The following PTBP3 variants were observed in gnomAD, a reference collection of about 807,000 sequenced individuals.
PTBP3 encodes polypyrimidine tract-binding protein 3.
PTBP3 carries 20 observed loss-of-function variants against 58.7 expected under a neutral mutation model. The ratio of observed to expected loss-of-function variants is 0.34; its 90% CI spans 0.24 to 0.50. The LOEUF (loss-of-function observed/expected upper bound fraction) is 0.50, where lower values mean the gene tolerates loss of function less well. PTBP3 is among the 20% of genes least tolerant of loss of function. The pLI is 0.98. For missense variants in PTBP3, 509 were observed against 637.2 expected, an observed-to-expected ratio of 0.80 and a Z score of 2.17; for synonymous variants, 185 against 219.8, an observed-to-expected ratio of 0.84 and a Z score of 1.40.
At chr9:112,258,495 T>C (rs1836464528) in intron 5 of PTBP3, among the ~76,000 whole-genome samples, 1 of 152,130 alleles carries the variant, frequency 6.6e-6, no homozygotes, top group South Asian at 2.1e-4. Context: ...TAAGTTAACA[T>C]GTTCAAATCA....
chr9:112,273,039 G>C (rs1031901257), intron 3 of PTBP3, among the ~76,000 whole-genome samples: 1 of 152,200 alleles, frequency 6.6e-6, no homozygotes, highest in African/African-American at 2.4e-5. Context: ...TAACTGGACA[G>C]ATGTTAAACA....
At chr9:112,362,733 T>G in the PTBP3 span, 570 of 207,570 alleles carry the variant, frequency 2.7e-3, 4 homozygotes, top group African/African-American at 0.013. Context: ...ATCAGACCCC[T>G]CATGAAGCCC....
the PTBP3 span, among the ~76,000 whole-genome samples, chr9:112,366,692 G>A: frequency 9.9e-4 from 150 of 152,268 alleles, 2 homozygotes; most frequent in East Asian, 0.027. Flanking sequence ...ATGGAGAACC[G>A]CTGCTAGGGT....
Position 112,223,341 on chromosome 9 carries a change from G to A in PTBP3, c.*510C>T, listed in dbSNP as rs1365250267. The A allele has an allele frequency of 6.2e-6, 6 of 974,394 alleles. No homozygotes were observed. Among genetic ancestry groups the A allele is most frequent in the Non-Finnish European group, 6.1e-6 (5 of 819,546 alleles). 60.4% of individuals were successfully genotyped at this position (974,394 alleles called of 1,614,324 possible). A position where few individuals can be genotyped will look rare whatever the true frequency, so the allele number is the denominator to read the frequency against. On this transcript the variant is annotated 3_prime_UTR_variant, in exon 14 of 14. Coordinates refer to ENST00000374257, the MANE Select transcript of PTBP3 (RefSeq NM_001163788.4). ...TATGCATAATAACCATCAATATATG[G>A]CAAAGATCTGATGTACTTTATATGT...
At chr9:112,333,051 C>A in intron 1 of PTBP3, 1 of 1,267,944 alleles carries the variant, frequency 7.9e-7, no homozygotes. Flanking sequence ...ACTCCCCCGG[C>A]AGGAGGACGC....
the PTBP3 span, among the ~76,000 whole-genome samples, chr9:112,347,347 T>C: frequency 6.6e-6 from 1 of 150,650 alleles, no homozygotes; most frequent in African/African-American, 2.5e-5. Flanking sequence ...ATACCTTTTT[T>C]TTTTTTTTTT....
intron 2 of PTBP3, among the ~76,000 whole-genome samples, chr9:112,277,745 C>CGTAT (rs1400276437): frequency 1.3e-5 from 2 of 151,754 alleles, no homozygotes; most frequent in Non-Finnish European, 2.9e-5. Context: ...GATGTGCTGG[C>CGTAT]GTATGCCTGT....
intron 10 of PTBP3, among the ~76,000 whole-genome samples, chr9:112,228,951 G>A (rs1835098441): frequency 6.6e-6 from 1 of 152,104 alleles, no homozygotes; most frequent in South Asian, 2.1e-4. Context: ...GGACAATCAG[G>A]ACAACCTAAT....
chr9:112,352,401 T>C, the PTBP3 span, among the ~76,000 whole-genome samples: 2 of 152,248 alleles, frequency 1.3e-5, no homozygotes, highest in Non-Finnish European at 2.9e-5. Flanking sequence ...CAGTTTACTT[T>C]GGTCAACGGT....
intron 4 of PTBP3, among the ~76,000 whole-genome samples, chr9:112,263,721 G>A (rs1328269822): frequency 2.0e-5 from 3 of 152,172 alleles, no homozygotes; most frequent in African/African-American, 7.2e-5. Flanking sequence ...TATGAGGAAT[G>A]GAGGGAACTT....
At chr9:112,232,549 T>C (rs1477179524) in intron 8 of PTBP3, among the ~76,000 whole-genome samples, 1 of 152,200 alleles carries the variant, frequency 6.6e-6, no homozygotes, top group Non-Finnish European at 1.5e-5. Context: ...CTCTGTTTCT[T>C]ACAATAGATA....
intron 3 of PTBP3, among the ~76,000 whole-genome samples, chr9:112,273,532 C>A (rs867175783): frequency 3.3e-5 from 5 of 152,118 alleles, no homozygotes; most frequent in Admixed American, 1.3e-4. Flanking sequence ...AAAGGAAAAG[C>A]TAAACAATAT....
intron 1 of PTBP3, among the ~76,000 whole-genome samples, chr9:112,331,126 C>CACACACACACACA: frequency 6.8e-6 from 1 of 147,684 alleles, no homozygotes; most frequent in East Asian, 2.0e-4. Flanking sequence ...CACACACACA[C>CACACACACACACA]GAGAGACAGT....
rs868385297 is a variant in PTBP3 at position 112,273,143 on chromosome 9, T to C, written c.204+2701A>G. On this transcript the variant is annotated intron_variant, in intron 3 of 13. Transcript: ENST00000374257. The stretch of plus-strand genomic sequence containing the variant: ...CTCTATGAAACAGTGATGTTAGCCA[T>C]GTGACAGTGGATGAAACATCACAAA... Among the ~76,000 whole-genome samples, 3 of 152,214 alleles carry C rather than the reference T, an allele frequency of 2.0e-5. No individual in the cohort carries two copies. The South Asian group carries it at 6.2e-4, about 31-fold the overall frequency.
chr9:112,366,697 T>C, the PTBP3 span, among the ~76,000 whole-genome samples: 1 of 152,064 alleles, frequency 6.6e-6, no homozygotes, highest in Non-Finnish European at 1.5e-5. Context: ...GAACCGCTGC[T>C]AGGGTAGTGC....
the PTBP3 span, chr9:112,362,850 G>A: frequency 3.0e-6 from 1 of 328,842 alleles, no homozygotes; most frequent in South Asian, 3.1e-5. Context: ...GTTCATAGAA[G>A]ATTCAAGGGC....
chr9:112,280,468 A>AT (rs1315367165), intron 2 of PTBP3, among the ~76,000 whole-genome samples: 1 of 152,184 alleles, frequency 6.6e-6, no homozygotes, highest in East Asian at 1.9e-4. Flanking sequence ...CGTTCTTGAT[A>AT]TTAGGGGAAA....
At position 112,234,821 on chromosome 9, in the gene PTBP3, T is replaced by A. The variant is rs1338965815; in HGVS notation, c.879A>T (p.Thr293=). ...FAPAIGFPQA[T]GLSVPAVPGA... is the part of the protein sequence containing the mutation. ...TCAAATCCAACTTAAAAGAATCACC[T>A]GTAGCTTGAGGAAATCCAATGGCTG... Residue 293 remains threonine (T), a splice_region_variant and synonymous_variant, in exon 8 of 14, where the codon ACA becomes ACT. Transcript: ENST00000374257. 1 of 1,609,014 alleles carries A rather than the reference T, an allele frequency of 6.2e-7. No individual in the cohort carries two copies.
chr9:112,242,411 A>AAG (rs1835695788), intron 7 of PTBP3: 1 of 151,760 alleles, frequency 6.6e-6, no homozygotes, highest in Non-Finnish European at 1.5e-5. Context: ...GCACTAAAAT[A>AAG]ATTTACAATA....
Sources: allele counts gnomAD v4.1 joint callset (sites outside exome capture counted in the v4.1 genomes callset), GRCh38; gene constraint gnomAD v4.1.1; transcripts MANE v1.5; gene names NCBI Gene and HGNC (gene_info 2026-07-23, HGNC 2026-07-21).